The following LOC400499 variants were observed in gnomAD, a reference collection of about 807,000 sequenced individuals.
At chr16:11,457,955 A>G in the LOC400499 span, among the ~76,000 whole-genome samples, 23 of 152,224 alleles carry the variant, frequency 1.5e-4, no homozygotes, top group East Asian at 9.6e-4. Flanking sequence ...TAATCCCAGC[A>G]CTATGGGAGG....
the LOC400499 span, chr16:11,478,064 G>A: frequency 1.5e-5 from 6 of 395,604 alleles, no homozygotes; most frequent in Admixed American, 4.4e-5. Flanking sequence ...TGTAATCCCA[G>A]CACTTTGGGA....
the LOC400499 span, among the ~76,000 whole-genome samples, chr16:11,388,526 G>T: frequency 0.066 from 10,054 of 152,242 alleles, 412 homozygotes; most frequent in Middle Eastern, 0.11. Flanking sequence ...TTGGAGCCCG[G>T]TTCCTGGTGG....
the LOC400499 span, among the ~76,000 whole-genome samples, chr16:11,492,665 G>A: frequency 6.6e-6 from 1 of 151,978 alleles, no homozygotes; most frequent in Non-Finnish European, 1.5e-5. Flanking sequence ...GGCACCTGTA[G>A]TCCCACCTAC....
the LOC400499 span, among the ~76,000 whole-genome samples, chr16:11,463,503 TATGA>T: frequency 6.6e-6 from 1 of 151,158 alleles, no homozygotes; most frequent in African/African-American, 2.4e-5. Flanking sequence ...CATACAGATG[TATGA>T]ATGTGTGTAT....
chr16:11,526,063 T>A, the LOC400499 span, among the ~76,000 whole-genome samples: 1 of 152,180 alleles, frequency 6.6e-6, no homozygotes, highest in Non-Finnish European at 1.5e-5. Flanking sequence ...CCAACACAAT[T>A]TACCAAGTAC....
chr16:11,432,742 A>T, the LOC400499 span, among the ~76,000 whole-genome samples: 1 of 152,218 alleles, frequency 6.6e-6, no homozygotes, highest in Non-Finnish European at 1.5e-5. Context: ...GAACAAGATC[A>T]GCCATGCATT....
chr16:11,387,829 G>C, the LOC400499 span, among the ~76,000 whole-genome samples: 3 of 151,996 alleles, frequency 2.0e-5, no homozygotes, highest in African/African-American at 7.3e-5. Context: ...TCACCACATT[G>C]GCCAGGCTAG....
the LOC400499 span, chr16:11,390,367 A>G: frequency 8.1e-7 from 1 of 1,235,204 alleles, no homozygotes. Flanking sequence ...CCAGGCCTGC[A>G]GCCGCCGCAT....
the LOC400499 span, chr16:11,425,543 C>T: frequency 3.0e-5 from 12 of 397,730 alleles, no homozygotes; most frequent in Non-Finnish European, 4.0e-5. Context: ...TTCATGATGT[C>T]GCACTTGTAA....
the LOC400499 span, among the ~76,000 whole-genome samples, chr16:11,490,184 T>C: frequency 2.0e-5 from 3 of 150,290 alleles, no homozygotes; most frequent in African/African-American, 7.4e-5. Context: ...TCACCTGAGG[T>C]CAGGAGTTCG....
the LOC400499 span, among the ~76,000 whole-genome samples, chr16:11,405,322 C>T: frequency 7.2e-5 from 11 of 152,192 alleles, no homozygotes; most frequent in Non-Finnish European, 1.5e-4. Flanking sequence ...ATCATGCTCC[C>T]AAGCCAGTGC....
At chr16:11,407,099 C>A in the LOC400499 span, 3 of 396,168 alleles carry the variant, frequency 7.6e-6, no homozygotes, top group Non-Finnish European at 1.3e-5. Flanking sequence ...TGTCCTTCCG[C>A]CCAGGAACCG....
the LOC400499 span, chr16:11,456,822 A>G: frequency 6.5e-7 from 1 of 1,535,030 alleles, no homozygotes. Flanking sequence ...CAGAAACCTG[A>G]GCTGCTAGCC....
chr16:11,422,177 G>T, the LOC400499 span, among the ~76,000 whole-genome samples: 1 of 152,356 alleles, frequency 6.6e-6, no homozygotes, highest in South Asian at 2.1e-4. Context: ...GAAACGGGCC[G>T]ATCACTTGAG....
the LOC400499 span, among the ~76,000 whole-genome samples, chr16:11,466,128 T>C: frequency 2.0e-5 from 3 of 152,162 alleles, no homozygotes; most frequent in Non-Finnish European, 4.4e-5. Context: ...GAGGCACTTA[T>C]TTTCTTTAAA....
the LOC400499 span, among the ~76,000 whole-genome samples, chr16:11,506,028 T>C: frequency 6.6e-6 from 1 of 152,008 alleles, no homozygotes; most frequent in African/African-American, 2.4e-5. Flanking sequence ...AACAACTTTA[T>C]TTATTTTATT....
chr16:11,429,666 G>T, the LOC400499 span, among the ~76,000 whole-genome samples: 37 of 152,132 alleles, frequency 2.4e-4, no homozygotes, highest in South Asian at 1.7e-3. Context: ...TAGCGACGGG[G>T]TTTCACCATG....
chr16:11,447,976 T>C, the LOC400499 span: 4 of 1,536,064 alleles, frequency 2.6e-6, no homozygotes, highest in East Asian at 9.8e-5. Flanking sequence ...TGTCCTGTCT[T>C]GCCTCAGCTC....
At chr16:11,523,335 C>A in the LOC400499 span, 3,289 of 398,532 alleles carry the variant, frequency 8.3e-3, 88 homozygotes, top group African/African-American at 0.061. Context: ...TCCCATCTTA[C>A]AGCTTCACTC....
Sources: gnomAD v4.1 joint callset for allele counts (sites outside exome capture counted in the v4.1 genomes callset) on GRCh38, gnomAD v4.1.1 for gene constraint, MANE v1.5 for transcripts.